The following SOCS4 variants were observed in gnomAD, a reference collection of about 807,000 sequenced individuals.
SOCS4 encodes SH2 domain containing SOCS box protein.
A neutral mutation model predicts 34.1 loss-of-function variants in SOCS4; 20 were observed. The observed-to-expected ratio is 0.59, with a 90% CI of 0.41 to 0.85. SOCS4 has a LOEUF of 0.85. Among genes scored for constraint, SOCS4 ranks in the 40% least tolerant of loss-of-function variants. The pLI is 0.00. For synonymous variants in SOCS4, 180 were observed against 186.4 expected (o/e 0.97, Z 0.28); for missense variants, 479 against 532.4 (o/e 0.90, Z 0.99).
In SOCS4 at chr14:55,041,474, TA is replaced by T. The variant is rs1248030767; in HGVS notation, c.-90-1475del. 4.6e-5 allele frequency among the ~76,000 whole-genome samples: 7 copies of T among 151,890 alleles called. No individual in the cohort carries two copies. The South Asian group carries it at 1.2e-3, about 27-fold the overall frequency. On this transcript the variant is annotated intron_variant, in intron 2 of 2. Transcript: ENST00000555846. The stretch of plus-strand genomic sequence containing the variant: ...GGACCCCTTCCCCAAGTTCCTGGCG[TA>T]AATCTTTTTTTTTTTTCCTCCAAGA...
At chr14:55,032,140 T>C (rs1480317390) in intron 2 of SOCS4, 149 bp downstream of exon 2, 1 of 152,222 alleles carries the variant, frequency 6.6e-6, no homozygotes, top group Admixed American at 6.5e-5. Flanking sequence ...ACATTAGTTG[T>C]GGTGTTAGAT....
At chr14:55,039,364 G>A (rs1242501191) in intron 2 of SOCS4, among the ~76,000 whole-genome samples, 1 of 152,108 alleles carries the variant, frequency 6.6e-6, no homozygotes, top group Non-Finnish European at 1.5e-5. Context: ...CTTGAGCCTG[G>A]GAGGTCGAGG....
At chr14:55,032,665 C>T (rs187131368) in intron 2 of SOCS4, among the ~76,000 whole-genome samples, 1 of 152,214 alleles carries the variant, frequency 6.6e-6, no homozygotes, top group East Asian at 1.9e-4. Flanking sequence ...TTTTAAAAAG[C>T]TTTTTTGCAG....
At chr14:55,034,648 A>G (rs777928714) in intron 2 of SOCS4, among the ~76,000 whole-genome samples, 17 of 151,900 alleles carry the variant, frequency 1.1e-4, no homozygotes, top group Non-Finnish European at 2.1e-4. Flanking sequence ...CCTGGCCAAG[A>G]TGGTGAAACC....
chr14:55,042,301 A>T (rs527344330), intron 2 of SOCS4, among the ~76,000 whole-genome samples: 1 of 152,348 alleles, frequency 6.6e-6, no homozygotes, highest in African/African-American at 2.4e-5. Flanking sequence ...GCTAATTTTT[A>T]TCAATTTTGT....
chr14:55,046,920 T>C lies in SOCS4; in HGVS notation c.*2556T>C, dbSNP rs1229164051. The C allele has an allele frequency of 6.0e-6, 1 of 167,048 alleles. No individual in the cohort carries two copies. The highest frequency in any genetic ancestry group is 2.4e-5 in the African/African-American group (1 of 41,450). 10.3% of individuals were successfully genotyped at this position (167,048 alleles called of 1,614,324 possible). On this transcript the variant is annotated 3_prime_UTR_variant, in exon 3 of 3. Transcript: ENST00000555846. ...TTGTAAGGATACATTTGGAAGAACA[T>C]ACAGTATTCAGAAACTAACCTATAT...
chr14:55,044,546 C>G lies in SOCS4; in HGVS notation c.*182C>G, dbSNP rs768616608. 5.9e-6 allele frequency: 2 copies of G among 341,582 alleles called. No individual in the cohort carries two copies. The highest frequency in any genetic ancestry group is 1.1e-5 in the Non-Finnish European group (2 of 189,964). 21.2% of individuals were successfully genotyped at this position (341,582 alleles called of 1,614,324 possible). ...CACAAATTGTTTAAGGTTATACACT[C>G]GAGCTTAAATAGATATTTTTAACCA... On this transcript the variant is annotated 3_prime_UTR_variant, in exon 3 of 3. Coordinates refer to ENST00000555846, the MANE Select transcript of SOCS4 (RefSeq NM_199421.2).
chr14:55,041,766 C>CCCAG (rs1226509685), intron 2 of SOCS4, among the ~76,000 whole-genome samples: 1 of 130,234 alleles, frequency 7.7e-6, no homozygotes, highest in Non-Finnish European at 1.7e-5. Flanking sequence ...AGCCACCGTG[C>CCCAG]CCAGCCAACC....
intron 1 of SOCS4, among the ~76,000 whole-genome samples, chr14:55,030,686 C>A (rs1476769897): frequency 1.3e-5 from 2 of 152,068 alleles, no homozygotes; most frequent in African/African-American, 4.8e-5. Flanking sequence ...GCAGTAAAAA[C>A]ATGAGGTAGC....
rs79974644 is a variant in SOCS4, at chr14:55,041,451, A to T, written c.-90-1501A>T. On this transcript the variant is annotated intron_variant, in intron 2 of 2. Coordinates refer to ENST00000555846, the MANE Select transcript of SOCS4 (RefSeq NM_199421.2). ...TTTGTAAAATATTTGAGATTATAGGACCCCTTCCCCAAGTTCCTGGCGTAA... is the reference window on the plus strand; with the variant it reads ...TTTGTAAAATATTTGAGATTATAGGTCCCCTTCCCCAAGTTCCTGGCGTAA... Among the ~76,000 whole-genome samples, 914 of 148,716 alleles carry T rather than the reference A, an allele frequency of 6.1e-3. 41 individuals are homozygous for T. In the East Asian group the frequency reaches 0.11, roughly 18 times the overall value.
intron 2 of SOCS4, among the ~76,000 whole-genome samples, chr14:55,035,061 A>G (rs554976589): frequency 1.3e-5 from 2 of 152,168 alleles, no homozygotes; most frequent in East Asian, 3.9e-4. Context: ...AGATTTTGCC[A>G]TGTTGGCGAG....
chr14:55,035,332 C>T (rs1279939241), intron 2 of SOCS4, among the ~76,000 whole-genome samples: 2 of 152,180 alleles, frequency 1.3e-5, no homozygotes, highest in Admixed American at 1.3e-4. Context: ...GGGAGTCTTG[C>T]AAAAGAAAAC....
intron 2 of SOCS4, among the ~76,000 whole-genome samples, chr14:55,035,571 A>G (rs536780812): frequency 6.6e-6 from 1 of 152,358 alleles, no homozygotes; most frequent in South Asian, 2.1e-4. Context: ...AGAAAACTGT[A>G]AAGCCAATAA....
intron 1 of SOCS4, among the ~76,000 whole-genome samples, chr14:55,029,088 T>G (rs2042504549): frequency 1.3e-5 from 2 of 152,246 alleles, no homozygotes; most frequent in South Asian, 4.1e-4. Flanking sequence ...GCTAGTATCA[T>G]GTTTTCACAA....
In SOCS4 at chr14:55,043,308, A is replaced by T. The variant is rs1340716784; in HGVS notation, c.267A>T (p.Arg89=). ...CCTGTGGGCATCGATTTTTAGGCCG[A>T]TCTCTTAAACAGAAACTGCAAGATG... ...DHSCGHRFLG[R]SLKQKLQDAV... Residue 89 remains arginine (R), a synonymous_variant, in exon 3 of 3, where the codon CGA becomes CGT. Coordinates refer to ENST00000555846, the MANE Select transcript of SOCS4 (RefSeq NM_199421.2). The T allele has an allele frequency of 6.2e-6, 10 of 1,614,228 alleles. No homozygotes were observed. In the South Asian group the frequency reaches 1.1e-4, roughly 18 times the overall value.
chr14:55,045,575 A>G lies in SOCS4; in HGVS notation c.*1211A>G, dbSNP rs548702276. 4 of 166,900 alleles carry G rather than the reference A, an allele frequency of 2.4e-5. No individual in the cohort carries two copies. Among genetic ancestry groups the G allele is most frequent in the Non-Finnish European group, 5.9e-5 (4 of 68,034 alleles). The allele number at this position is 166,900 out of a possible 1,614,324, so 10.3% of individuals were successfully genotyped here. A position where few individuals can be genotyped will look rare whatever the true frequency, so the allele number is the denominator to read the frequency against. The stretch of plus-strand genomic sequence containing the variant: ...TACACCATACAGAACAGTACTGGAC[A>G]AAAGGGGTGATATTTTAAATTTACT... On this transcript the variant is annotated 3_prime_UTR_variant, in exon 3 of 3. Transcript: ENST00000555846.
rs35998700 is a variant in SOCS4 at position 55,041,783 on chromosome 14, C to CTTTTTTTTTTTTTTTTTTT, written c.-90-1161_-90-1143dup. 4.6e-3 allele frequency among the ~76,000 whole-genome samples: 186 copies of CTTTTTTTTTTTTTTTTTTT among 40,068 alleles called. 30 individuals are homozygous for CTTTTTTTTTTTTTTTTTTT. The highest frequency in any genetic ancestry group is 6.1e-3 in the Non-Finnish European group (128 of 21,040). 26.3% of individuals were successfully genotyped at this position (40,068 alleles called of 152,430 possible). A position where few individuals can be genotyped will look rare whatever the true frequency, so the allele number is the denominator to read the frequency against. ...CCACCGTGCCCAGCCAACCCTTAAT[C>CTTTTTTTTTTTTTTTTTTT]TTTTTTTTTTTTTTTTTTTTTTTTT... On this transcript the variant is annotated intron_variant, in intron 2 of 2. Transcript: ENST00000555846.
rs529628326 is a variant in SOCS4 at position 55,046,445 on chromosome 14, G to T, written c.*2081G>T. 1 of 166,806 alleles carries T rather than the reference G, an allele frequency of 6.0e-6. No individual in the cohort carries two copies. Among genetic ancestry groups the T allele is most frequent in the South Asian group, 2.1e-4 (1 of 4,806 alleles). The allele number at this position is 166,806 out of a possible 1,614,324, so 10.3% of individuals were successfully genotyped here. Reference sequence around the variant, plus strand: ...TACAGAAAAACCTAAGGGATGACTAGCTTACAAATATTCTGTTAAGGGGTA... The same window carrying T: ...TACAGAAAAACCTAAGGGATGACTATCTTACAAATATTCTGTTAAGGGGTA... On this transcript the variant is annotated 3_prime_UTR_variant, in exon 3 of 3. Coordinates refer to ENST00000555846, the MANE Select transcript of SOCS4 (RefSeq NM_199421.2).
chr14:55,035,154 C>T (rs1456552477), intron 2 of SOCS4, among the ~76,000 whole-genome samples: 1 of 152,192 alleles, frequency 6.6e-6, no homozygotes, highest in Non-Finnish European at 1.5e-5. Context: ...AGCCACCGTG[C>T]CCGGCCTGCA....
Sources: gnomAD v4.1 joint callset for allele counts (sites outside exome capture counted in the v4.1 genomes callset) on GRCh38, gnomAD v4.1.1 for gene constraint, MANE v1.5 for transcripts, NCBI Gene and HGNC (gene_info 2026-07-23, HGNC 2026-07-21) for gene names.